CHRM3: variants seen among roughly 807,000 people sequenced by gnomAD.
The protein encoded by CHRM3 is cholinergic receptor muscarinic 3.
Under a neutral mutation model 41.8 loss-of-function variants are expected in CHRM3, and 11 were observed. The observed-to-expected ratio is 0.26, with a 90% CI of 0.17 to 0.44. CHRM3 has a LOEUF of 0.44. Ranked by LOEUF, CHRM3 falls within the 20% of genes least tolerant of loss-of-function variation. The pLI is 1.00. For missense variants in CHRM3, 571 were observed against 745.4 expected, an observed-to-expected ratio of 0.77 and a Z score of 2.72; for synonymous variants, 297 against 301.4, an observed-to-expected ratio of 0.99 and a Z score of 0.15.
intron 6 of CHRM3, among the ~76,000 whole-genome samples, chr1:239,869,657 A>C (rs1676407462): frequency 6.6e-6 from 1 of 151,034 alleles, no homozygotes. Context: ...TCTTCCTCTG[A>C]CCCCCCCAGA....
At chr1:239,709,967 T>C (rs891719727) in intron 5 of CHRM3, among the ~76,000 whole-genome samples, 1 of 152,230 alleles carries the variant, frequency 6.6e-6, no homozygotes, top group Non-Finnish European at 1.5e-5. Context: ...CATGAGATAT[T>C]ACTAAAGGTA....
chr1:239,451,818 T>A (rs1664577004), intron 1 of CHRM3, among the ~76,000 whole-genome samples: 1 of 152,124 alleles, frequency 6.6e-6, no homozygotes, highest in Non-Finnish European at 1.5e-5. Flanking sequence ...ACATAAAAGA[T>A]GTGATCTTGT....
chr1:239,537,315 G>A (rs1217687878), intron 2 of CHRM3, among the ~76,000 whole-genome samples: 1 of 152,134 alleles, frequency 6.6e-6, no homozygotes, highest in African/African-American at 2.4e-5. Context: ...AGGAAGGATA[G>A]CACTGGCATC....
At chr1:239,527,923 C>G (rs1262766911) in intron 2 of CHRM3, among the ~76,000 whole-genome samples, 1 of 150,974 alleles carries the variant, frequency 6.6e-6, no homozygotes, top group Non-Finnish European at 1.5e-5. Context: ...TTTTTTTTTT[C>G]TTTTCACAAC....
intron 4 of CHRM3, among the ~76,000 whole-genome samples, chr1:239,638,022 T>C (rs112707826): frequency 0.013 from 1,918 of 150,834 alleles, 55 homozygotes; most frequent in African/African-American, 0.045. Flanking sequence ...GTTTGGTTTT[T>C]TGTTCTTGCA....
intron 1 of CHRM3, among the ~76,000 whole-genome samples, chr1:239,391,527 T>G (rs553136378): frequency 6.6e-6 from 1 of 152,280 alleles, no homozygotes; most frequent in South Asian, 2.1e-4. Context: ...GCTGGCGATC[T>G]GCATTCTCCC....
intron 2 of CHRM3, among the ~76,000 whole-genome samples, chr1:239,526,243 C>A (rs932355789): frequency 1.3e-5 from 2 of 152,108 alleles, no homozygotes; most frequent in African/African-American, 2.4e-5. Context: ...AAAAAGGTCT[C>A]CTGATCTAAA....
intron 4 of CHRM3, among the ~76,000 whole-genome samples, chr1:239,655,749 G>T (rs1259017026): frequency 6.6e-6 from 1 of 152,070 alleles, no homozygotes; most frequent in Non-Finnish European, 1.5e-5. Context: ...TCCCCTGTAT[G>T]GGCAGTCTTT....
At chr1:239,608,477 A>G (rs1666608152) in intron 3 of CHRM3, among the ~76,000 whole-genome samples, 1 of 152,204 alleles carries the variant, frequency 6.6e-6, no homozygotes, top group Admixed American at 6.5e-5. Flanking sequence ...ATTTCCTCCT[A>G]GATATTTTCA....
intron 2 of CHRM3, among the ~76,000 whole-genome samples, chr1:239,523,880 G>A (rs561715765): frequency 4.1e-4 from 63 of 152,106 alleles, no homozygotes; most frequent in Non-Finnish European, 8.1e-4. Flanking sequence ...GGAGTTGTCA[G>A]CTCAAGAAAT....
intron 1 of CHRM3, among the ~76,000 whole-genome samples, chr1:239,417,539 A>G (rs1372077077): frequency 2.0e-5 from 3 of 150,974 alleles, no homozygotes; most frequent in African/African-American, 7.3e-5. Context: ...TATGTTTTAA[A>G]GCCAATATGT....
At chr1:239,626,976 C>G (rs1391624951) in intron 3 of CHRM3, among the ~76,000 whole-genome samples, 1 of 107,342 alleles carries the variant, frequency 9.3e-6, no homozygotes, top group East Asian at 2.8e-4. Flanking sequence ...AATGTATATT[C>G]TGTTGATTTG....
intron 2 of CHRM3, among the ~76,000 whole-genome samples, chr1:239,525,062 A>C (rs1669903345): frequency 6.6e-6 from 1 of 152,126 alleles, no homozygotes; most frequent in African/African-American, 2.4e-5. Context: ...ACAAATTTTC[A>C]TGTATTAAGA....
intron 1 of CHRM3, among the ~76,000 whole-genome samples, chr1:239,476,964 A>G (rs1666509196): frequency 6.6e-6 from 1 of 152,228 alleles, no homozygotes; most frequent in African/African-American, 2.4e-5. Context: ...GGTCACTACA[A>G]GGACAATATT....
intron 2 of CHRM3, among the ~76,000 whole-genome samples, chr1:239,511,102 A>T (rs1668889948): frequency 6.6e-6 from 1 of 152,228 alleles, no homozygotes; most frequent in South Asian, 2.1e-4. Context: ...ACTGCTGAGC[A>T]GCCTCATGTG....
chr1:239,405,514 T>C (rs766389553), intron 1 of CHRM3, among the ~76,000 whole-genome samples: 2 of 152,130 alleles, frequency 1.3e-5, no homozygotes, highest in African/African-American at 2.4e-5. Context: ...ATGGGTGTAG[T>C]AGGACAGTTT....
chr1:239,456,653 A>G (rs1055836078), intron 1 of CHRM3, among the ~76,000 whole-genome samples: 1 of 152,170 alleles, frequency 6.6e-6, no homozygotes, highest in Non-Finnish European at 1.5e-5. Context: ...AAAGTAGTGT[A>G]CATGAATGGC....
chr1:239,552,646 T>TATTATC (rs1659982163), intron 3 of CHRM3, among the ~76,000 whole-genome samples: 1 of 147,020 alleles, frequency 6.8e-6, no homozygotes, highest in African/African-American at 2.5e-5. Flanking sequence ...TTATTATTAT[T>TATTATC]ATTATTATTA....
At chr1:239,615,112 A>G (rs1667490937) in intron 3 of CHRM3, among the ~76,000 whole-genome samples, 1 of 152,218 alleles carries the variant, frequency 6.6e-6, no homozygotes, top group African/African-American at 2.4e-5. Flanking sequence ...TTGAAAAAGC[A>G]TATTAGTGCT....
Sources: gnomAD v4.1 joint callset for allele counts (sites outside exome capture counted in the v4.1 genomes callset) on GRCh38, gnomAD v4.1.1 for gene constraint, MANE v1.5 for transcripts, NCBI Gene and HGNC (gene_info 2026-07-23, HGNC 2026-07-21) for gene names.